Variants in GPR158 observed in about 807,000 individuals in gnomAD.
The protein encoded by GPR158 is G protein-coupled receptor 158.
In GPR158, 30 loss-of-function variants were observed where a neutral mutation model predicts 78.2. The ratio of observed to expected loss-of-function variants is 0.38; its 90% confidence interval spans 0.29 to 0.52. The LOEUF is 0.52. GPR158 is among the 20% of genes least tolerant of loss of function. The pLI is 0.83. For missense variants in GPR158, 1,463 were observed against 1,523.5 expected (o/e 0.96, Z 0.66); for synonymous variants, 581 against 591.1 (o/e 0.98, Z 0.25).
intron 2 of GPR158, among the ~76,000 whole-genome samples, chr10:25,347,990 G>A (rs892951092): frequency 7.2e-5 from 11 of 151,776 alleles, no homozygotes; most frequent in African/African-American, 2.2e-4. Context: ...AAGTCTTTGC[G>A]GCAAATGTCT....
At position 25,205,795 on chromosome 10, in the gene GPR158, GTGTT is replaced by G. The variant is rs138028747; in HGVS notation, c.903-15254_903-15251del. Reference sequence around the variant, plus strand: ...TTCTATTGCACTGTGGTCTGAGAGTGTGTTTGGTATCATTTTAGTTTTTTTTTTA... The same window carrying G: ...TTCTATTGCACTGTGGTCTGAGAGTGTGGTATCATTTTAGTTTTTTTTTTA... On this transcript the variant is annotated intron_variant, in intron 1 of 10. Transcript: ENST00000376351. 4.5e-4 allele frequency among the ~76,000 whole-genome samples: 68 copies of G among 151,856 alleles called. No individual in the cohort carries two copies. In the East Asian group the frequency reaches 7.8e-3, roughly 17 times the overall value.
At chr10:25,565,411 A>ACAGAC (rs1464075666) in intron 6 of GPR158, among the ~76,000 whole-genome samples, 2 of 152,224 alleles carry the variant, frequency 1.3e-5, no homozygotes, top group Non-Finnish European at 2.9e-5. Context: ...ATCAGTTTAG[A>ACAGAC]CAGACGGCAT....
chr10:25,286,714 G>A (rs1854356388), intron 2 of GPR158, among the ~76,000 whole-genome samples: 1 of 152,012 alleles, frequency 6.6e-6, no homozygotes, highest in Non-Finnish European at 1.5e-5. Flanking sequence ...CTGTAAATGG[G>A]TATGCCTTTC....
chr10:25,297,420 A>G (rs1314854713), intron 2 of GPR158, among the ~76,000 whole-genome samples: 1 of 128,692 alleles, frequency 7.8e-6, no homozygotes, highest in Non-Finnish European at 1.9e-5. Flanking sequence ...TGTAAGTATC[A>G]TTTCAGATTC....
intron 5 of GPR158, among the ~76,000 whole-genome samples, chr10:25,543,669 C>G (rs1011058812): frequency 7.2e-5 from 11 of 152,166 alleles, no homozygotes; most frequent in Non-Finnish European, 1.2e-4. Flanking sequence ...ATTCCATACT[C>G]TATGTCCCTG....
At chr10:25,244,925 G>T (rs61855483) in intron 2 of GPR158, 1 of 151,712 alleles carries the variant, frequency 6.6e-6, no homozygotes, top group Non-Finnish European at 1.5e-5. Context: ...TTAACCAGAG[G>T]TGCATGTTTC....
chr10:25,186,022 C>A (rs1209924732), intron 1 of GPR158, among the ~76,000 whole-genome samples: 1 of 152,182 alleles, frequency 6.6e-6, no homozygotes, highest in African/African-American at 2.4e-5. Context: ...AACAAAGTGT[C>A]TCTCAGACCA....
chr10:25,394,599 T>C (rs1834344000), intron 2 of GPR158, among the ~76,000 whole-genome samples: 1 of 152,212 alleles, frequency 6.6e-6, no homozygotes, highest in Non-Finnish European at 1.5e-5. Flanking sequence ...TATTTTATTT[T>C]GCTCTGGGTT....
At chr10:25,374,668 G>A (rs7921403) in intron 2 of GPR158, among the ~76,000 whole-genome samples, 97,258 of 150,914 alleles carry the variant, frequency 0.64, 32,245 homozygotes, top group Non-Finnish European at 0.73. Context: ...GCAACCTTTT[G>A]AGACTGTTTT....
chr10:25,511,104 C>T (rs1452213875), intron 5 of GPR158, among the ~76,000 whole-genome samples: 1 of 152,122 alleles, frequency 6.6e-6, no homozygotes, highest in East Asian at 1.9e-4. Flanking sequence ...TACTTTTGTT[C>T]TTTAAGGACT....
At chr10:25,429,709 T>C (rs1042557758) in intron 4 of GPR158, among the ~76,000 whole-genome samples, 15 of 149,034 alleles carry the variant, frequency 1.0e-4, no homozygotes, top group African/African-American at 2.0e-4. Context: ...GTTCAATATA[T>C]GCAAATCAAT....
At chr10:25,566,864 G>A (rs1366590434) in intron 6 of GPR158, among the ~76,000 whole-genome samples, 1 of 152,132 alleles carries the variant, frequency 6.6e-6, no homozygotes, top group Non-Finnish European at 1.5e-5. Context: ...ATGAACATGG[G>A]ATTTGTCACC....
chr10:25,422,203 TATC>T (rs1257851261), intron 4 of GPR158, among the ~76,000 whole-genome samples: 1 of 152,154 alleles, frequency 6.6e-6, no homozygotes, highest in Admixed American at 6.5e-5. Context: ...CCACTTTATT[TATC>T]ATCTAGAATT....
chr10:25,228,905 G>C (rs1334424218), intron 2 of GPR158, among the ~76,000 whole-genome samples: 1 of 151,946 alleles, frequency 6.6e-6, no homozygotes, highest in Admixed American at 6.6e-5. Flanking sequence ...TGTGGTGGCA[G>C]GTGCCTAAAA....
At chr10:25,381,814 AT>A (rs1305615746) in intron 2 of GPR158, among the ~76,000 whole-genome samples, 1 of 152,224 alleles carries the variant, frequency 6.6e-6, no homozygotes. Context: ...TTAGCAAAAT[AT>A]TTAAAGAAGG....
chr10:25,224,332 T>C (rs1252482333), intron 2 of GPR158, among the ~76,000 whole-genome samples: 1 of 151,974 alleles, frequency 6.6e-6, no homozygotes, highest in Non-Finnish European at 1.5e-5. Context: ...TTTGGTTATA[T>C]TCCATTAGTA....
chr10:25,498,310 C>T (rs1835910157), intron 5 of GPR158, among the ~76,000 whole-genome samples: 1 of 152,162 alleles, frequency 6.6e-6, no homozygotes, highest in Non-Finnish European at 1.5e-5. Context: ...AAAATGCAGT[C>T]ATTCATTATG....
chr10:25,208,308 G>A (rs1469593402), intron 1 of GPR158, among the ~76,000 whole-genome samples: 1 of 152,080 alleles, frequency 6.6e-6, no homozygotes, highest in Non-Finnish European at 1.5e-5. Flanking sequence ...ATTTAGAAAT[G>A]CAAAGTTTTG....
intron 5 of GPR158, among the ~76,000 whole-genome samples, chr10:25,501,253 T>C (rs6482488): frequency 0.6 from 91,776 of 151,984 alleles, 29,092 homozygotes; most frequent in African/African-American, 0.81. Context: ...GATGCTGCAC[T>C]GCGCAGTCTC....
Sources: allele counts gnomAD v4.1 joint callset (sites outside exome capture counted in the v4.1 genomes callset), GRCh38; gene constraint gnomAD v4.1.1; transcripts MANE v1.5; gene names NCBI Gene and HGNC (gene_info 2026-07-23, HGNC 2026-07-21).